The following OPA1 variants were observed in gnomAD, a reference collection of about 807,000 sequenced individuals.
The protein encoded by OPA1 is dynamin-like GTPase OPA1, mitochondrial.
In OPA1, 59 loss-of-function variants were observed where a neutral mutation model predicts 152.9. That is an observed-to-expected ratio of 0.39 (90% confidence interval 0.31 to 0.48). OPA1 has a LOEUF of 0.48. Among genes scored for constraint, OPA1 ranks in the 20% least tolerant of loss-of-function variants. OPA1 has a pLI of 0.96. For missense variants in OPA1, 1,008 were observed against 1,216.8 expected (o/e 0.83, Z 2.55); for synonymous variants, 400 against 389.9 (o/e 1.03, Z -0.31).
At chr3:193,666,197 C>T (rs1200355050) in intron 27 of OPA1, 99 bp from the exon 28 acceptor site, 19 of 991,494 alleles carry the variant, frequency 1.9e-5, no homozygotes, top group Middle Eastern at 2.2e-4. Context: ...ACTTTTTAAG[C>T]TTAGGACATA....
At chr3:193,631,502 C>A in intron 7 of OPA1, 110 bp from the exon 8 acceptor site, 1 of 692,038 alleles carries the variant, frequency 1.4e-6, no homozygotes, top group Non-Finnish European at 2.6e-6. Context: ...ATTAAATATG[C>A]ATATAAAGTC....
intron 11 of OPA1, among the ~76,000 whole-genome samples, chr3:193,638,403 G>T (rs558055532): frequency 6.6e-6 from 1 of 152,162 alleles, no homozygotes; most frequent in Non-Finnish European, 1.5e-5. Flanking sequence ...TGACAAAAGA[G>T]CAGAGAAATG....
chr3:193,667,326 C>G (rs1716804315), intron 29 of OPA1, 46 bp downstream of exon 29: 1 of 906,216 alleles, frequency 1.1e-6, no homozygotes, highest in Admixed American at 1.7e-5. Context: ...TTCCACCTTT[C>G]CCATTTCCAT....
At chr3:193,621,638 AAACC>A (rs1471739378) in intron 6 of OPA1, among the ~76,000 whole-genome samples, 8 of 152,242 alleles carry the variant, frequency 5.3e-5, no homozygotes, top group African/African-American at 1.4e-4. Context: ...AAAAATAGTA[AAACC>A]AACCATTTTT....
chr3:193,672,222 C>A (rs1718090009), intron 29 of OPA1, among the ~76,000 whole-genome samples: 1 of 152,092 alleles, frequency 6.6e-6, no homozygotes, highest in Non-Finnish European at 1.5e-5. Flanking sequence ...CTATTATGAT[C>A]TATTTTATAA....
rs190977005 is a variant in OPA1 at position 193,690,281 on chromosome 3, A to T, written c.2984-1782A>T. Among the ~76,000 whole-genome samples the T allele has an allele frequency of 3.1e-4, 47 of 150,112 alleles. No individual in the cohort carries two copies. The East Asian group carries it at 4.7e-3, about 15-fold the overall frequency. ...CTATTATCATATTTTCTCAATACAT[A>T]GCTTGATTAAAACAACTGGACTCCC... On this transcript the variant is annotated intron_variant, in intron 29 of 30. Transcript: ENST00000361510.
At chr3:193,682,219 C>G (rs912143777) in intron 29 of OPA1, among the ~76,000 whole-genome samples, 1 of 152,188 alleles carries the variant, frequency 6.6e-6, no homozygotes, top group Non-Finnish European at 1.5e-5. Flanking sequence ...AAGCTAAAAC[C>G]TAATCCAGAG....
chr3:193,618,433 G>A (rs9812815), intron 5 of OPA1, among the ~76,000 whole-genome samples: 33,269 of 151,100 alleles, frequency 0.22, 3,805 homozygotes, highest in South Asian at 0.29. Flanking sequence ...AGCCAAGATC[G>A]CGCCACTGCA....
At chr3:193,637,500 T>C (rs1733136469) in intron 10 of OPA1, among the ~76,000 whole-genome samples, 1 of 151,982 alleles carries the variant, frequency 6.6e-6, no homozygotes, top group Admixed American at 6.6e-5. Context: ...AAGTACATTA[T>C]ATTTATGAGT....
At position 193,696,688 on chromosome 3, in the gene OPA1, GATACTAAAT is replaced by G. The variant is rs1560090656; in HGVS notation, c.*2093_*2101del. On this transcript the variant is annotated 3_prime_UTR_variant, in exon 31 of 31. Coordinates refer to ENST00000361510, the MANE Select transcript of OPA1 (RefSeq NM_130837.3). The stretch of plus-strand genomic sequence containing the variant: ...GAAATGATTCTAATTTAAACAAAAA[GATACTAAAT>G]ATACAGAAGTTAAATTCGAACTAGC... The G allele has an allele frequency of 6.6e-6, 1 of 152,112 alleles. No homozygotes were observed. The highest frequency in any genetic ancestry group is 1.9e-4 in the East Asian group (1 of 5,202). 9.4% of individuals were successfully genotyped at this position (152,112 alleles called of 1,614,324 possible). A position where few individuals can be genotyped will look rare whatever the true frequency, so the allele number is the denominator to read the frequency against.
intron 6 of OPA1, among the ~76,000 whole-genome samples, chr3:193,622,612 T>G (rs2108915771): frequency 1.3e-5 from 2 of 152,322 alleles, no homozygotes; most frequent in Middle Eastern, 3.4e-3. Context: ...TCACTCATCT[T>G]TATAGCATAG....
chr3:193,615,648 G>C (rs1483729213), intron 2 of OPA1, 26 bp from the exon 3 acceptor site: 2 of 1,290,026 alleles, frequency 1.6e-6, no homozygotes, highest in African/African-American at 2.9e-5. Flanking sequence ...CAGAGCATCT[G>C]ATTGACACAC....
chr3:193,597,347 A>T (rs780329606), intron 1 of OPA1, among the ~76,000 whole-genome samples: 2 of 152,196 alleles, frequency 1.3e-5, no homozygotes, highest in African/African-American at 4.8e-5. Context: ...CAAAATGGCC[A>T]TTGGAAGCCT....
chr3:193,627,847 T>C (rs1203282259), intron 7 of OPA1, among the ~76,000 whole-genome samples: 1 of 152,210 alleles, frequency 6.6e-6, no homozygotes, highest in Non-Finnish European at 1.5e-5. Flanking sequence ...CCCTTTTATA[T>C]CTCCCTTTCC....
chr3:193,594,317 T>C (rs1725158025), intron 1 of OPA1, among the ~76,000 whole-genome samples: 1 of 152,190 alleles, frequency 6.6e-6, no homozygotes, highest in Non-Finnish European at 1.5e-5. Context: ...TTGTTTTGAA[T>C]TTTTTCCAGA....
chr3:193,625,318 A>T (rs901603343), intron 6 of OPA1, among the ~76,000 whole-genome samples: 4 of 152,186 alleles, frequency 2.6e-5, no homozygotes, highest in African/African-American at 9.6e-5. Context: ...TCAGAATTTC[A>T]TAATAACTAT....
chr3:193,650,756 C>T (rs371542588), intron 21 of OPA1, among the ~76,000 whole-genome samples: 38 of 152,196 alleles, frequency 2.5e-4, no homozygotes, highest in African/African-American at 8.9e-4. Context: ...AGCATTTTTA[C>T]GCTGTGCCTG....
At position 193,682,128 on chromosome 3, in the gene OPA1, A is replaced by C. The variant is rs138936272; in HGVS notation, c.2984-9935A>C. ...TATTCCAGTGAACACACGAATGATA[A>C]AGCAGAACAGCCTTATTGCCTGAGA... On this transcript the variant is annotated intron_variant, in intron 29 of 30. Coordinates refer to ENST00000361510, the MANE Select transcript of OPA1 (RefSeq NM_130837.3). Among the ~76,000 whole-genome samples, 100 of 152,360 alleles carry C rather than the reference A, an allele frequency of 6.6e-4. No homozygotes were observed. The East Asian group carries it at 0.017, about 26-fold the overall frequency.
chr3:193,645,375 T>G (rs1560376968), intron 16 of OPA1, among the ~76,000 whole-genome samples, 178 bp from the exon 17 acceptor site: 1 of 152,212 alleles, frequency 6.6e-6, no homozygotes, highest in African/African-American at 2.4e-5. Flanking sequence ...ATTTTCAATG[T>G]AGTAAAATTA....
Sources: gnomAD v4.1 joint callset for allele counts (sites outside exome capture counted in the v4.1 genomes callset) on GRCh38, gnomAD v4.1.1 for gene constraint, MANE v1.5 for transcripts, NCBI Gene and HGNC (gene_info 2026-07-23, HGNC 2026-07-21) for gene names.